The following KIAA1217 variants were observed in gnomAD, a reference collection of about 807,000 sequenced individuals.
KIAA1217 encodes the protein sickle tail protein homolog.
KIAA1217 carries 88 observed loss-of-function variants against 163.9 expected under a neutral mutation model. The observed-to-expected ratio is 0.54, with a 90% confidence interval of 0.45 to 0.64. KIAA1217 has a LOEUF of 0.64. Ranked by LOEUF, KIAA1217 falls within the 30% of genes least tolerant of loss-of-function variation. The pLI is 0.00. For synonymous variants in KIAA1217, 903 were observed against 923.1 expected, an observed-to-expected ratio of 0.98 and a Z score of 0.39; for missense variants, 2,372 against 2,475.0, an observed-to-expected ratio of 0.96 and a Z score of 0.88.
At chr10:24,334,389 A>G (rs2046063227) in intron 2 of KIAA1217, among the ~76,000 whole-genome samples, 1 of 150,176 alleles carries the variant, frequency 6.7e-6, no homozygotes, top group Non-Finnish European at 1.5e-5. Flanking sequence ...AAAGAAAAAA[A>G]GATGAAGGAA....
At chr10:23,804,313 A>G (rs976500673) in intron 1 of KIAA1217, among the ~76,000 whole-genome samples, 11 of 152,316 alleles carry the variant, frequency 7.2e-5, no homozygotes, top group African/African-American at 2.4e-4. Flanking sequence ...AGCCGTGAGT[A>G]CATCTGTCTT....
At chr10:24,023,201 C>A (rs1847807524) in intron 2 of KIAA1217, among the ~76,000 whole-genome samples, 1 of 151,680 alleles carries the variant, frequency 6.6e-6, no homozygotes, top group South Asian at 2.1e-4. Flanking sequence ...AAAATTCTTT[C>A]ACGTAAAATC....
intron 2 of KIAA1217, among the ~76,000 whole-genome samples, chr10:24,327,544 G>A (rs2045082806): frequency 6.6e-6 from 1 of 152,128 alleles, no homozygotes; most frequent in Admixed American, 6.6e-5. Context: ...AGGCTAGAGT[G>A]CAGTGGAACA....
At chr10:23,939,405 A>C (rs1431833746) in intron 1 of KIAA1217, among the ~76,000 whole-genome samples, 1 of 152,304 alleles carries the variant, frequency 6.6e-6, no homozygotes, top group Admixed American at 6.5e-5. Flanking sequence ...AAAAGATAGA[A>C]AAAGGTCTAC....
At chr10:23,774,736 C>T (rs1288644359) in intron 1 of KIAA1217, among the ~76,000 whole-genome samples, 1 of 152,096 alleles carries the variant, frequency 6.6e-6, no homozygotes, top group Non-Finnish European at 1.5e-5. Flanking sequence ...AGTCTGGGGC[C>T]CAGGGCCTGC....
At chr10:24,427,217 C>A (rs557096221) in intron 3 of KIAA1217, among the ~76,000 whole-genome samples, 1 of 151,250 alleles carries the variant, frequency 6.6e-6, no homozygotes, top group African/African-American at 2.5e-5. Context: ...CACCCCACAC[C>A]CCCATCCAGC....
At chr10:24,294,045 A>C (rs557674671) in intron 2 of KIAA1217, among the ~76,000 whole-genome samples, 196 of 152,052 alleles carry the variant, frequency 1.3e-3, no homozygotes, top group African/African-American at 4.6e-3. Context: ...TAGAAAAAAT[A>C]GCCGGGCGTG....
At chr10:24,230,534 C>A (rs1358734308) in intron 2 of KIAA1217, among the ~76,000 whole-genome samples, 1 of 103,474 alleles carries the variant, frequency 9.7e-6, no homozygotes. Flanking sequence ...GAGACAGAGT[C>A]TCACTCTTTC....
intron 3 of KIAA1217, among the ~76,000 whole-genome samples, chr10:24,413,738 G>T (rs915516779): frequency 3.3e-5 from 5 of 152,108 alleles, no homozygotes; most frequent in African/African-American, 9.7e-5. Flanking sequence ...CCTTCCCCCA[G>T]ATATCTACAA....
At chr10:23,860,972 G>T (rs1380071876) in intron 1 of KIAA1217, among the ~76,000 whole-genome samples, 2 of 151,306 alleles carry the variant, frequency 1.3e-5, no homozygotes, top group Non-Finnish European at 2.9e-5. Context: ...GGAGTGCAGT[G>T]GGGGGTCATA....
intron 1 of KIAA1217, among the ~76,000 whole-genome samples, chr10:23,890,889 C>T (rs1272439365): frequency 1.3e-5 from 2 of 151,796 alleles, no homozygotes; most frequent in African/African-American, 2.4e-5. Context: ...TTAATTTTGT[C>T]GGTTTTAGCT....
chr10:24,357,140 A>C (rs565286605), intron 2 of KIAA1217, among the ~76,000 whole-genome samples: 1 of 152,284 alleles, frequency 6.6e-6, no homozygotes, highest in Admixed American at 6.5e-5. Flanking sequence ...CATTATGGAA[A>C]CTTTCAGGGT....
intron 9 of KIAA1217, among the ~76,000 whole-genome samples, chr10:24,502,113 G>T (rs1226800135): frequency 6.6e-6 from 1 of 152,008 alleles, no homozygotes; most frequent in African/African-American, 2.4e-5. Context: ...ATTTGTTTTT[G>T]GAGAAGAGCC....
chr10:24,434,490 A>G (rs1050258875), intron 4 of KIAA1217, among the ~76,000 whole-genome samples: 1 of 152,086 alleles, frequency 6.6e-6, no homozygotes, highest in African/African-American at 2.4e-5. Flanking sequence ...GGCACATGCC[A>G]CCATATCTGG....
chr10:24,351,636 C>T (rs1035952869), intron 2 of KIAA1217, among the ~76,000 whole-genome samples: 8 of 152,116 alleles, frequency 5.3e-5, no homozygotes, highest in South Asian at 2.1e-4. Flanking sequence ...GTTTTGCACC[C>T]GTTTTTTTCG....
chr10:23,850,008 T>G (rs1212072865), intron 1 of KIAA1217, among the ~76,000 whole-genome samples: 1 of 152,164 alleles, frequency 6.6e-6, no homozygotes, highest in Non-Finnish European at 1.5e-5. Context: ...TTTTTTATTG[T>G]GTGTTCAAAC....
chr10:24,542,151 C>T (rs192306978), intron 17 of KIAA1217, among the ~76,000 whole-genome samples: 1 of 152,286 alleles, frequency 6.6e-6, no homozygotes, highest in East Asian at 1.9e-4. Flanking sequence ...GGATAATCTC[C>T]ATAACAGAAG....
chr10:24,524,436 A>ACACCTCCGG lies in KIAA1217; in HGVS notation c.2572_2580dup (p.Thr858_Gly860dup). ...CTGAAGAGTCAGGAGGAGGCAGCCC[A>ACACCTCCGG]CACCTCCGGCCAGCCCTTCCACAGC... is the stretch of plus-strand genomic sequence containing the variant. On this transcript the variant is annotated inframe_insertion, in exon 13 of 21. Transcript: ENST00000376454. The ACACCTCCGG allele has an allele frequency of 6.2e-7, 1 of 1,614,204 alleles. No homozygotes were observed. Among genetic ancestry groups the ACACCTCCGG allele is most frequent in the Non-Finnish European group, 8.5e-7 (1 of 1,180,028 alleles).
chr10:24,141,054 C>T (rs1035141463), intron 2 of KIAA1217, among the ~76,000 whole-genome samples: 5 of 152,072 alleles, frequency 3.3e-5, no homozygotes, highest in Admixed American at 2.0e-4. Flanking sequence ...GGGTAGAAGA[C>T]TACAATTCAA....
Sources: gnomAD v4.1 joint callset for allele counts (sites outside exome capture counted in the v4.1 genomes callset) on GRCh38, gnomAD v4.1.1 for gene constraint, MANE v1.5 for transcripts, NCBI Gene and HGNC (gene_info 2026-07-23, HGNC 2026-07-21) for gene names.